The following BLK variants were observed in gnomAD, a reference collection of about 807,000 sequenced individuals.
BLK encodes the protein tyrosine-protein kinase Blk.
A neutral mutation model predicts 61.8 loss-of-function variants in BLK; 64 were observed. That is an observed-to-expected ratio of 1.03 (90% CI 0.85 to 1.27). The LOEUF (loss-of-function observed/expected upper bound fraction) is 1.27. Ranked by LOEUF, BLK falls within the 50% of genes most tolerant of loss-of-function variation. The pLI is 0.00. For missense variants in BLK, 853 were observed against 660.5 expected, an observed-to-expected ratio of 1.29 and a Z score of -3.19; for synonymous variants, 351 against 272.0, an observed-to-expected ratio of 1.29 and a Z score of -2.86.
In BLK at chr8:11,519,613, C is replaced by T. The variant is rs1799360817; in HGVS notation, c.-1-23611C>T. On this transcript the variant is annotated intron_variant, in intron 1 of 12. Transcript: ENST00000259089. ...TTCATGCTTATTTAGAGGACTTGTGCCAGTCACCACATCGAGAACTTTATT... is the reference window on the plus strand; with the variant it reads ...TTCATGCTTATTTAGAGGACTTGTGTCAGTCACCACATCGAGAACTTTATT... 2.0e-5 allele frequency among the ~76,000 whole-genome samples: 3 copies of T among 152,134 alleles called. No homozygotes were observed. The South Asian group carries it at 6.2e-4, about 32-fold the overall frequency.
intron 1 of BLK, 89 bp from the exon 2 acceptor site, chr8:11,543,135 C>T (rs1800462459): frequency 6.2e-7 from 1 of 1,600,820 alleles, no homozygotes; most frequent in Non-Finnish European, 8.5e-7. Context: ...TTCTAACCAG[C>T]CTCCCGGAAG....
chr8:11,542,320 A>G (rs568286317), intron 1 of BLK, among the ~76,000 whole-genome samples: 6 of 152,378 alleles, frequency 3.9e-5, no homozygotes, highest in African/African-American at 1.4e-4. Flanking sequence ...TATGGTGTGT[A>G]CATCCAAAGG....
intron 2 of BLK, among the ~76,000 whole-genome samples, chr8:11,543,909 G>T (rs60866687): frequency 5.9e-5 from 9 of 152,174 alleles, no homozygotes; most frequent in East Asian, 1.9e-4. Flanking sequence ...CATGCAGTTT[G>T]ATTTGTTTAT....
chr8:11,543,948 A>G (rs1302954016), intron 2 of BLK, among the ~76,000 whole-genome samples: 2 of 150,692 alleles, frequency 1.3e-5, no homozygotes, highest in Non-Finnish European at 2.9e-5. Flanking sequence ...TGATGGCTAC[A>G]GCATGTCTGA....
At position 11,556,709 on chromosome 8, in the gene BLK, C is replaced by G. The variant is rs748444664; in HGVS notation, c.824C>G (p.Thr275Ser). The G allele has an allele frequency of 6.2e-7, 1 of 1,614,198 alleles. No individual in the cohort carries two copies. Among genetic ancestry groups the G allele is most frequent in the East Asian group, 2.2e-5 (1 of 44,878 alleles). The change falls in exon 9 of 13, where the codon ACC becomes AGC. Residue 275 changes from threonine (T) to serine (S), a missense_variant. Transcript: ENST00000259089. Reference sequence around the variant, plus strand: ...GCCATTAAGACGCTGAAGGAGGGAACCATGTCTCCAGAAGCCTTTCTGGGT... The same window carrying G: ...GCCATTAAGACGCTGAAGGAGGGAAGCATGTCTCCAGAAGCCTTTCTGGGT... ...KVAIKTLKEG[T>S]MSPEAFLGEA... is the part of the protein sequence containing the mutation.
At position 11,557,038 on chromosome 8, in the gene BLK, G is replaced by C. The variant is rs865977553; in HGVS notation, c.952+201G>C. Among the ~76,000 whole-genome samples, 19 of 152,252 alleles carry C rather than the reference G, an allele frequency of 1.2e-4. 1 individual carries two copies. Among genetic ancestry groups the C allele is most frequent in the South Asian group, 8.3e-4 (4 of 4,818 alleles). On this transcript the variant is annotated intron_variant, in intron 9 of 12. Transcript: ENST00000259089. ...AGAAACAGGAGGGTGAAGTGGTTCT[G>C]ACAGAGCCATGTTCTCAGCCCAGGA...
In BLK at chr8:11,563,050, G is replaced by T; in HGVS notation, c.1252G>T (p.Val418Leu). 6.2e-7 allele frequency: 1 copy of T among 1,614,156 alleles called. No homozygotes were observed. The highest frequency in any genetic ancestry group is 8.5e-7 in the Non-Finnish European group (1 of 1,180,032). The change falls in exon 12 of 13, where the codon GTG (valine) becomes TTG (leucine). Residue 418 changes from valine to leucine, a missense_variant. Physicochemically the swap from Val to Leu is conservative, Grantham distance 32. Transcript: ENST00000259089. ...HFGVFTIKAD[V>L]WSFGVLLMEV... ...CGGGGTCTTCACCATCAAAGCAGAC[G>T]TGTGGTCGTTTGGAGTCCTCCTGAT... is the stretch of plus-strand genomic sequence containing the variant.
At position 11,543,323 on chromosome 8, in the gene BLK, G is replaced by C. The variant is rs143438845; in HGVS notation, c.99G>C (p.Lys33Asn). 2.5e-6 allele frequency: 4 copies of C among 1,612,454 alleles called. No individual in the cohort carries two copies. In the African/African-American group the frequency reaches 5.3e-5, roughly 21 times the overall value. Residue 33 changes from lysine (K) to asparagine (N), a missense_variant, in exon 2 of 13, where the codon AAG becomes AAC. Coordinates refer to ENST00000259089, the MANE Select transcript of BLK (RefSeq NM_001715.3). ...CCCTGAAGGTCAGCGCCCAAGACAA[G>C]GACGCCCCGCCACTGCCGCCCCTGG... is the stretch of plus-strand genomic sequence containing the variant. ...WSPLKVSAQD[K>N]DAPPLPPLVV...
In BLK at chr8:11,556,681, G is replaced by T. The variant is rs777278971; in HGVS notation, c.796G>T (p.Val266Leu). 1.2e-6 allele frequency: 2 copies of T among 1,614,028 alleles called. No individual in the cohort carries two copies. Among genetic ancestry groups the T allele is most frequent in the East Asian group, 2.2e-5 (1 of 44,880 alleles). Residue 266 changes from valine to leucine, a missense_variant, in exon 9 of 13, where the codon GTG becomes TTG. Physicochemically the swap from Val to Leu is conservative, Grantham distance 32. Transcript: ENST00000259089. ...WMGYYKNNMK[V>L]AIKTLKEGTM... ...AGGTTACTACAAAAACAACATGAAGGTGGCCATTAAGACGCTGAAGGAGGG... is the reference window on the plus strand; with the variant it reads ...AGGTTACTACAAAAACAACATGAAGTTGGCCATTAAGACGCTGAAGGAGGG...
At chr8:11,528,322 C>T (rs1799753711) in intron 1 of BLK, among the ~76,000 whole-genome samples, 1 of 152,186 alleles carries the variant, frequency 6.6e-6, no homozygotes, top group Non-Finnish European at 1.5e-5. Flanking sequence ...AGGCATGAGC[C>T]ACTGCACTTG....
Position 11,497,460 on chromosome 8 carries a change from T to C in BLK, c.-2+2869T>C, listed in dbSNP as rs143706684. Among the ~76,000 whole-genome samples the C allele has an allele frequency of 1.9e-3, 288 of 152,274 alleles. 1 individual carries two copies. Among genetic ancestry groups the C allele is most frequent in the African/African-American group, 6.3e-3 (261 of 41,556 alleles). ...CAGTCACAGTGCCCAAGCCCATTTGTGTGTCCCCAGCAACCACCAGCACAC... is the reference window on the plus strand; with the variant it reads ...CAGTCACAGTGCCCAAGCCCATTTGCGTGTCCCCAGCAACCACCAGCACAC... On this transcript the variant is annotated intron_variant, in intron 1 of 12. Coordinates refer to ENST00000259089, the MANE Select transcript of BLK (RefSeq NM_001715.3).
chr8:11,544,606 A>G (rs918275451), intron 2 of BLK, among the ~76,000 whole-genome samples: 2 of 152,250 alleles, frequency 1.3e-5, no homozygotes, highest in Non-Finnish European at 2.9e-5. Context: ...GATAATAAGT[A>G]GTAGCACCTG....
At chr8:11,518,073 G>A (rs995515326) in intron 1 of BLK, among the ~76,000 whole-genome samples, 3 of 152,172 alleles carry the variant, frequency 2.0e-5, no homozygotes, top group Middle Eastern at 3.2e-3. Context: ...AGAGGGAACC[G>A]AGGCTGGGAG....
chr8:11,547,481 C>T (rs1433543413), intron 3 of BLK, among the ~76,000 whole-genome samples: 1 of 152,212 alleles, frequency 6.6e-6, no homozygotes, highest in Non-Finnish European at 1.5e-5. Flanking sequence ...CCATCCAGGG[C>T]CCGCCAGCAA....
At chr8:11,557,402 A>C (rs1451865310) in intron 9 of BLK, among the ~76,000 whole-genome samples, 1 of 152,180 alleles carries the variant, frequency 6.6e-6, no homozygotes, top group Non-Finnish European at 1.5e-5. Flanking sequence ...ACTGTCACCA[A>C]GGGGCCCCCG....
chr8:11,544,488 T>A (rs569222548), intron 2 of BLK, among the ~76,000 whole-genome samples: 2 of 152,298 alleles, frequency 1.3e-5, no homozygotes, highest in East Asian at 3.9e-4. Context: ...TGTGTCCCAG[T>A]TTAGCGCCAG....
intron 5 of BLK, chr8:11,549,884 C>G (rs2117495055): frequency 4.3e-6 from 2 of 466,960 alleles, no homozygotes; most frequent in Admixed American, 6.6e-5. Flanking sequence ...GGGCATTTTT[C>G]CAAAGCAAAA....
At chr8:11,513,941 T>C (rs980006473) in intron 1 of BLK, among the ~76,000 whole-genome samples, 1 of 152,198 alleles carries the variant, frequency 6.6e-6, no homozygotes, top group African/African-American at 2.4e-5. Context: ...TTGGAAATAA[T>C]TCAACTCCTT....
At chr8:11,555,275 A>G (rs1801143859) in intron 7 of BLK, 57 bp from the exon 8 acceptor site, 43 of 1,610,508 alleles carry the variant, frequency 2.7e-5, no homozygotes, top group Non-Finnish European at 3.7e-5. Context: ...ACAGCTCCCA[A>G]GGTAGAGCCT....
Sources: allele counts gnomAD v4.1 joint callset (sites outside exome capture counted in the v4.1 genomes callset), GRCh38; gene constraint gnomAD v4.1.1; transcripts MANE v1.5; gene names NCBI Gene and HGNC (gene_info 2026-07-23, HGNC 2026-07-21).